PFKM: variants seen among roughly 807,000 people sequenced by gnomAD.
PFKM encodes ATP-dependent 6-phosphofructokinase, muscle type.
A neutral mutation model predicts 95.5 loss-of-function variants in PFKM; 58 were observed. The ratio of observed to expected loss-of-function variants is 0.61; its 90% CI spans 0.49 to 0.76. The LOEUF (loss-of-function observed/expected upper bound fraction) is 0.76. Ranked by LOEUF, PFKM falls within the 30% of genes least tolerant of loss-of-function variation. PFKM has a pLI of 0.00. For missense variants in PFKM, 678 were observed against 1,005.4 expected (o/e 0.67, Z 4.40); for synonymous variants, 336 against 357.2 (o/e 0.94, Z 0.67).
chr12:48,107,606 A>C (rs1946804581), intron 2 of PFKM, among the ~76,000 whole-genome samples: 1 of 152,180 alleles, frequency 6.6e-6, no homozygotes, highest in Non-Finnish European at 1.5e-5. Context: ...TAAAATATTG[A>C]TCACTGAGTC....
chr12:48,140,974 C>T, intron 14 of PFKM, 103 bp downstream of exon 14: 1 of 1,225,668 alleles, frequency 8.2e-7, no homozygotes, highest in Non-Finnish European at 1.2e-6. Flanking sequence ...CACTACCTCT[C>T]TCTCCTCTCT....
intron 10 of PFKM, 82 bp downstream of exon 10, chr12:48,135,465 G>T: frequency 1.0e-6 from 1 of 988,144 alleles, no homozygotes; most frequent in Non-Finnish European, 1.6e-6. Context: ...CACTTCACCA[G>T]ACAGGGACTT....
At position 48,140,754 on chromosome 12, in the gene PFKM, G is replaced by A. The variant is rs762040245; in HGVS notation, c.1224G>A (p.Val408=). Residue 408 remains valine (V), a synonymous_variant, in exon 14 of 23, where the codon GTG becomes GTA. Coordinates refer to ENST00000359794, the MANE Select transcript of PFKM (RefSeq NM_000289.6). The part of the protein sequence containing the change: ...SGSHTVAVMN[V]GAPAAGMNAA... Reference sequence around the variant, plus strand: ...CGCACACAGTGGCTGTGATGAACGTGGGGGCTCCGGCTGCAGGCATGAATG... The same window carrying A: ...CGCACACAGTGGCTGTGATGAACGTAGGGGCTCCGGCTGCAGGCATGAATG... 7 of 1,614,070 alleles carry A rather than the reference G, an allele frequency of 4.3e-6. No homozygotes were observed. Among genetic ancestry groups the A allele is most frequent in the Non-Finnish European group, 5.9e-6 (7 of 1,180,024 alleles).
chr12:48,134,151 G>T, intron 6 of PFKM, 81 bp from the exon 7 acceptor site: 2 of 1,117,876 alleles, frequency 1.8e-6, no homozygotes, highest in South Asian at 2.5e-5. Flanking sequence ...TCCCAGAGAG[G>T]GTAATTGGCC....
At chr12:48,124,919 G>A (rs1286122748) in intron 2 of PFKM, among the ~76,000 whole-genome samples, 1 of 152,182 alleles carries the variant, frequency 6.6e-6, no homozygotes, top group African/African-American at 2.4e-5. Context: ...TTCTCCCGGG[G>A]AGAAAACATA....
chr12:48,118,370 G>T (rs550261683), upstream of PFKM: 32 of 640,830 alleles, frequency 5.0e-5, no homozygotes, highest in East Asian at 7.8e-4. Context: ...CCATTCTGTG[G>T]GTTGTCTTTC....
At chr12:48,118,951 T>G (rs1947914839), upstream of PFKM, among the ~76,000 whole-genome samples, 1 of 152,182 alleles carries the variant, frequency 6.6e-6, no homozygotes, top group Non-Finnish European at 1.5e-5. Context: ...AAGAAATGTT[T>G]GCTTAAAGAC....
At chr12:48,112,677 C>T (rs900070678) in intron 3 of PFKM, among the ~76,000 whole-genome samples, 1 of 152,066 alleles carries the variant, frequency 6.6e-6, no homozygotes, top group Non-Finnish European at 1.5e-5. Context: ...AGAGTATATG[C>T]CTTTGGCACC....
upstream of PFKM, among the ~76,000 whole-genome samples, chr12:48,115,925 A>G (rs1000899346): frequency 2.0e-5 from 3 of 152,082 alleles, no homozygotes; most frequent in Admixed American, 1.3e-4. Flanking sequence ...GTGTGTACAT[A>G]TGTTTTCATT....
chr12:48,105,456 C>T (rs115646828), upstream of PFKM: 1 of 519,010 alleles, frequency 1.9e-6, no homozygotes, highest in East Asian at 5.4e-5. Context: ...ATTTTCATAA[C>T]CTGAGCAGGA....
intron 13 of PFKM, 28 bp downstream of exon 13, chr12:48,139,940 C>A: frequency 6.8e-7 from 1 of 1,472,958 alleles, no homozygotes; most frequent in Admixed American, 1.7e-5. Flanking sequence ...TGCCCTCTCC[C>A]CTTTTCCTTC....
At chr12:48,112,659 A>G (rs1235242447) in intron 3 of PFKM, among the ~76,000 whole-genome samples, 1 of 152,130 alleles carries the variant, frequency 6.6e-6, no homozygotes, top group East Asian at 1.9e-4. Context: ...GGAGGTATTG[A>G]GGTTAGGAGA....
chr12:48,139,070 A>G (rs1950354280), intron 11 of PFKM, among the ~76,000 whole-genome samples: 1 of 152,186 alleles, frequency 6.6e-6, no homozygotes, highest in African/African-American at 2.4e-5. Context: ...CAGAGCATAG[A>G]ATCAGTTCTT....
upstream of PFKM, among the ~76,000 whole-genome samples, chr12:48,114,411 G>A (rs1947486086): frequency 6.6e-6 from 1 of 152,176 alleles, no homozygotes; most frequent in Admixed American, 6.5e-5. Context: ...TTTTTGGGCA[G>A]GTGGGGGAGA....
chr12:48,124,801 G>A (rs1948653253), intron 2 of PFKM, among the ~76,000 whole-genome samples: 1 of 152,168 alleles, frequency 6.6e-6, no homozygotes, highest in African/African-American at 2.4e-5. Flanking sequence ...ATTCTATGGA[G>A]GCAAGGAGGC....
intron 3 of PFKM, among the ~76,000 whole-genome samples, chr12:48,108,715 A>G (rs1052485680): frequency 6.6e-6 from 1 of 152,206 alleles, no homozygotes; most frequent in Non-Finnish European, 1.5e-5. Flanking sequence ...AAACACATCT[A>G]TGTATTTCGT....
intron 3 of PFKM, among the ~76,000 whole-genome samples, chr12:48,112,852 T>C (rs1947329012): frequency 6.6e-6 from 1 of 152,160 alleles, no homozygotes; most frequent in Non-Finnish European, 1.5e-5. Flanking sequence ...GCTTTAATCC[T>C]TTTAAAGTGT....
At chr12:48,110,747 C>G (rs889114962) in intron 3 of PFKM, among the ~76,000 whole-genome samples, 9 of 152,174 alleles carry the variant, frequency 5.9e-5, no homozygotes, top group African/African-American at 2.2e-4. Flanking sequence ...TTGTCTCTTA[C>G]CTGGCAGGGA....
Position 48,145,569 on chromosome 12 carries a change from G to A in PFKM, c.2204G>A (p.Arg735Gln), listed in dbSNP as rs1335780263. 9.3e-6 allele frequency: 15 copies of A among 1,613,850 alleles called. No homozygotes were observed. The highest frequency in any genetic ancestry group is 7.6e-6 in the Non-Finnish European group (9 of 1,179,990). The change falls in exon 23 of 23, where the codon CGA becomes CAA. Residue 735 changes from arginine (R) to glutamine (Q), a missense_variant. Coordinates refer to ENST00000359794, the MANE Select transcript of PFKM (RefSeq NM_000289.6). This position sits in a 1 kb window ranked among gnomAD's most constrained non-coding sequence, Gnocchi z 4.3. Reference protein sequence around the residue: ...ELKDQTDFEHRIPKEQWWLKL... With the variant: ...ELKDQTDFEHQIPKEQWWLKL... Reference sequence around the variant, plus strand: ...TCTACCTCATTCCTCTGTAGGCATCGAATCCCCAAGGAACAGTGGTGGCTG... The same window carrying A: ...TCTACCTCATTCCTCTGTAGGCATCAAATCCCCAAGGAACAGTGGTGGCTG...
Sources: allele counts gnomAD v4.1 joint callset (sites outside exome capture counted in the v4.1 genomes callset), GRCh38; gene constraint gnomAD v4.1.1; non-coding constraint Gnocchi (gnomAD v3.1); transcripts MANE v1.5; gene names NCBI Gene and HGNC (gene_info 2026-07-23, HGNC 2026-07-21).